Variants in RPTOR observed in about 807,000 individuals in gnomAD.
The protein encoded by RPTOR is regulatory associated protein of MTOR complex 1.
RPTOR carries 21 observed loss-of-function variants against 169.9 expected under a neutral mutation model. That is an observed-to-expected ratio of 0.12 (90% CI 0.09 to 0.18). The LOEUF is 0.18. Among genes scored for constraint, RPTOR ranks in the 10% least tolerant of loss-of-function variants. The probability of loss-of-function intolerance (pLI) is 1.00; values close to 1 mark genes in which losing one functional copy is unlikely to be tolerated. For missense variants in RPTOR, 1,133 were observed against 1,855.9 expected (o/e 0.61, Z 7.16); for synonymous variants, 732 against 753.2 (o/e 0.97, Z 0.46).
In RPTOR at chr17:80,793,112, A is replaced by G. The variant is rs1030426309; in HGVS notation, c.890+1603A>G. ...AGGCGTGAGTGATTCTGGCCGTGCC[A>G]GGCCAAAATCGGAAACTTTTTGAGC... On this transcript the variant is annotated intron_variant, in intron 7 of 33. Transcript: ENST00000306801. Among the ~76,000 whole-genome samples, 15 of 152,316 alleles carry G rather than the reference A, an allele frequency of 9.8e-5. No individual in the cohort carries two copies. The East Asian group carries it at 2.9e-3, about 29-fold the overall frequency.
intron 2 of RPTOR, among the ~76,000 whole-genome samples, chr17:80,634,501 T>C (rs1337365601): frequency 5.6e-5 from 8 of 141,856 alleles, no homozygotes; most frequent in African/African-American, 2.1e-4. Context: ...ACTGTGTGTG[T>C]GCATACTGTG....
At chr17:80,554,250 A>G (rs1424276803) in intron 1 of RPTOR, among the ~76,000 whole-genome samples, 1 of 151,930 alleles carries the variant, frequency 6.6e-6, no homozygotes, top group Non-Finnish European at 1.5e-5. Flanking sequence ...GTGAGAGTTT[A>G]AATATTTTAT....
intron 4 of RPTOR, among the ~76,000 whole-genome samples, chr17:80,728,250 A>T (rs2066357295): frequency 6.6e-6 from 1 of 152,226 alleles, no homozygotes; most frequent in South Asian, 2.1e-4. Context: ...TCTGTCATGT[A>T]CTGTGTACCT....
At chr17:80,961,552 C>A in intron 31 of RPTOR, 72 bp downstream of exon 31, 1 of 1,459,344 alleles carries the variant, frequency 6.9e-7, no homozygotes, top group East Asian at 2.5e-5. Context: ...AAAATACGTC[C>A]TTGGTATTTA....
At chr17:80,709,015 T>TCGGC in intron 4 of RPTOR, 1 of 985,508 alleles carries the variant, frequency 1.0e-6, no homozygotes, top group Non-Finnish European at 1.2e-6. Context: ...CAGCTAGCAT[T>TCGGC]CGGCACAGGT....
At chr17:80,592,278 A>C (rs1023745547) in intron 1 of RPTOR, among the ~76,000 whole-genome samples, 3 of 152,146 alleles carry the variant, frequency 2.0e-5, no homozygotes, top group African/African-American at 7.2e-5. Context: ...TAAGGAACTA[A>C]ATACAACTCA....
rs2143871860 is a variant in RPTOR at position 80,892,767 on chromosome 17, AC to A, written c.2145del (p.Arg716AspfsTer5). ...GACCCCAGTGCGAGACAGCCCGTGC[AC>A]CCCCAGACTTCGTTCTGTGAGCTCC... is the stretch of plus-strand genomic sequence containing the variant. ...SLTPVRDSPC[T>X]PRLRSVSSYG... On this transcript the variant is annotated frameshift_variant, in exon 19 of 34. Coordinates refer to ENST00000306801, the MANE Select transcript of RPTOR (RefSeq NM_020761.3). LOFTEE classifies it high-confidence loss of function. 1 of 1,614,060 alleles carries A rather than the reference AC, an allele frequency of 6.2e-7. No homozygotes were observed.
At chr17:80,835,781 T>C (rs879585254) in intron 9 of RPTOR, among the ~76,000 whole-genome samples, 1 of 152,200 alleles carries the variant, frequency 6.6e-6, no homozygotes, top group South Asian at 2.1e-4. Flanking sequence ...ATGCAAATAT[T>C]CCAAAACCTG....
At position 80,893,904 on chromosome 17, in the gene RPTOR, G is replaced by A. The variant is rs372212972; in HGVS notation, c.2401+39G>A. The A allele has an allele frequency of 2.4e-5, 36 of 1,504,504 alleles. No homozygotes were observed. The East Asian group carries it at 2.9e-4, about 12-fold the overall frequency. 93.2% of individuals were successfully genotyped at this position (1,504,504 alleles called of 1,614,324 possible). ...CCCCTTTCTGCTTCCGAGGGGCCCC[G>A]AGGGTCTCCTCCCCACACAGAGCAG... On this transcript the variant is annotated intron_variant, in intron 20 of 33. Coordinates refer to ENST00000306801, the MANE Select transcript of RPTOR (RefSeq NM_020761.3).
intron 13 of RPTOR, among the ~76,000 whole-genome samples, chr17:80,868,075 G>C (rs920976710): frequency 6.6e-6 from 1 of 152,170 alleles, no homozygotes; most frequent in Non-Finnish European, 1.5e-5. Flanking sequence ...TAATGGAACA[G>C]GAAGAAAGTC....
intron 4 of RPTOR, among the ~76,000 whole-genome samples, chr17:80,710,529 A>G (rs1421749001): frequency 5.3e-5 from 8 of 151,480 alleles, no homozygotes; most frequent in African/African-American, 1.9e-4. Flanking sequence ...TTTTTTAAAA[A>G]AATTGTGACT....
rs866125865 is a variant in RPTOR at position 80,744,322 on chromosome 17, C to G, written c.655-9688C>G. On this transcript the variant is annotated intron_variant, in intron 5 of 33. Transcript: ENST00000306801. Reference sequence around the variant, plus strand: ...ACTAGCACAGCCCTGGTTACTAGCACAGCCCTGGCTACTAGCACAGCCCTG... The same window carrying G: ...ACTAGCACAGCCCTGGTTACTAGCAGAGCCCTGGCTACTAGCACAGCCCTG... 2.4e-4 allele frequency among the ~76,000 whole-genome samples: 28 copies of G among 118,928 alleles called. 1 individual carries two copies. The highest frequency in any genetic ancestry group is 4.5e-3 in the Middle Eastern group (1 of 224). The allele number at this position is 118,928 out of a possible 152,430, so 78.0% of individuals were successfully genotyped here. A position where few individuals can be genotyped will look rare whatever the true frequency, so the allele number is the denominator to read the frequency against.
intron 1 of RPTOR, among the ~76,000 whole-genome samples, chr17:80,582,906 C>CT (rs925490266): frequency 4.9e-5 from 7 of 143,306 alleles, no homozygotes; most frequent in Middle Eastern, 3.6e-3. Context: ...ATTATTCTTT[C>CT]TTTTTTTTTC....
intron 6 of RPTOR, among the ~76,000 whole-genome samples, chr17:80,773,293 GA>G (rs1157204747): frequency 6.6e-6 from 1 of 152,226 alleles, no homozygotes; most frequent in Non-Finnish European, 1.5e-5. Flanking sequence ...AGCTAGTGGG[GA>G]CTTCTCTGTT....
chr17:80,771,188 T>C (rs1341178945), intron 6 of RPTOR, among the ~76,000 whole-genome samples: 3 of 152,136 alleles, frequency 2.0e-5, no homozygotes. Flanking sequence ...CAGCCTCTCT[T>C]CCTGCACTTG....
At chr17:80,690,326 A>AACACACAC (rs752133550) in intron 3 of RPTOR, among the ~76,000 whole-genome samples, 4 of 123,992 alleles carry the variant, frequency 3.2e-5, no homozygotes, top group Admixed American at 2.3e-4. Context: ...TATGCTTCTA[A>AACACACAC]ACACACACAC....
rs992339868 is a variant in RPTOR at position 80,726,204 on chromosome 17, C to T, written c.508-4356C>T. Reference sequence around the variant, plus strand: ...TGGCGCAGCATCCCAGTGGCTGTTACGGGGTGAAAGCCCCTCTTAGAATTT... The same window carrying T: ...TGGCGCAGCATCCCAGTGGCTGTTATGGGGTGAAAGCCCCTCTTAGAATTT... On this transcript the variant is annotated intron_variant, in intron 4 of 33. Coordinates refer to ENST00000306801, the MANE Select transcript of RPTOR (RefSeq NM_020761.3). This position sits in a 1 kb window ranked among gnomAD's most constrained non-coding sequence, Gnocchi z 4.5. Among the ~76,000 whole-genome samples the T allele has an allele frequency of 3.9e-5, 6 of 152,152 alleles. No individual in the cohort carries two copies. Among genetic ancestry groups the T allele is most frequent in the African/African-American group, 7.2e-5 (3 of 41,432 alleles).
At position 80,678,485 on chromosome 17, in the gene RPTOR, G is replaced by A. The variant is rs552333251; in HGVS notation, c.349-29356G>A. The stretch of plus-strand genomic sequence containing the variant: ...ATTGTACAAATGAGTTTCTGGTCTC[G>A]TTAATTATACTATTGTTATGTAAGA... On this transcript the variant is annotated intron_variant, in intron 3 of 33. Transcript: ENST00000306801. 3.9e-5 allele frequency among the ~76,000 whole-genome samples: 6 copies of A among 152,314 alleles called. No homozygotes were observed. The East Asian group carries it at 5.8e-4, about 15-fold the overall frequency.
intron 1 of RPTOR, among the ~76,000 whole-genome samples, chr17:80,548,920 G>A (rs1341292989): frequency 6.6e-6 from 1 of 152,152 alleles, no homozygotes; most frequent in African/African-American, 2.4e-5. Flanking sequence ...AATTCCATAC[G>A]CTTTTATTTT....
Sources: allele counts gnomAD v4.1 joint callset (sites outside exome capture counted in the v4.1 genomes callset), GRCh38; gene constraint gnomAD v4.1.1; non-coding constraint Gnocchi (gnomAD v3.1); transcripts MANE v1.5; gene names NCBI Gene and HGNC (gene_info 2026-07-23, HGNC 2026-07-21).